Variants in AGAP3 observed in about 807,000 individuals in gnomAD.
The protein encoded by AGAP3 is arf-GAP with GTPase, ANK repeat and PH domain-containing protein 3.
AGAP3 carries 24 observed loss-of-function variants against 96.9 expected under a neutral mutation model. The ratio of observed to expected loss-of-function variants is 0.25; its 90% CI spans 0.18 to 0.35. The LOEUF is 0.35. Ranked by LOEUF, AGAP3 falls within the 10% of genes least tolerant of loss-of-function variation. The pLI, the probability that AGAP3 is intolerant of heterozygous loss-of-function variation, is 1.00. For missense variants in AGAP3, 876 were observed against 1,254.2 expected, an observed-to-expected ratio of 0.70 and a Z score of 4.55; for synonymous variants, 563 against 536.1, an observed-to-expected ratio of 1.05 and a Z score of -0.69.
chr7:151,129,853 T>C (rs1040824879), intron 10 of AGAP3, among the ~76,000 whole-genome samples: 7 of 152,172 alleles, frequency 4.6e-5, no homozygotes, highest in Non-Finnish European at 1.0e-4. Context: ...TTTGTTACTG[T>C]GTACACAGCC....
chr7:151,101,565 C>T (rs368408454), intron 1 of AGAP3, among the ~76,000 whole-genome samples: 5 of 152,266 alleles, frequency 3.3e-5, no homozygotes, highest in South Asian at 2.1e-4. Flanking sequence ...GTGGGAAACC[C>T]GGTGTCCTGC....
At chr7:151,097,640 G>A (rs908843596) in intron 1 of AGAP3, among the ~76,000 whole-genome samples, 5 of 152,070 alleles carry the variant, frequency 3.3e-5, no homozygotes, top group African/African-American at 4.8e-5. Flanking sequence ...GCTTTTTACG[G>A]GTGGCAGAAA....
chr7:151,143,949 A>C lies in AGAP3; in HGVS notation c.*6A>C. The C allele has an allele frequency of 6.2e-7, 1 of 1,613,406 alleles. No homozygotes were observed. Among genetic ancestry groups the C allele is most frequent in the East Asian group, 2.2e-5 (1 of 44,880 alleles). ...GTAGTCCTAGCCTCCTATAAGGCCC[A>C]GGAAGAGGGCAGAGGGGCCAGAAGG... On this transcript the variant is annotated 3_prime_UTR_variant, in exon 18 of 18. Coordinates refer to ENST00000397238, the MANE Select transcript of AGAP3 (RefSeq NM_031946.7). This position sits in a 1 kb window ranked among gnomAD's most constrained non-coding sequence, Gnocchi z 5.9.
Position 151,118,019 on chromosome 7 carries a change from A to C in AGAP3, c.707-191A>C. On this transcript the variant is annotated intron_variant, in intron 5 of 17. Transcript: ENST00000397238. This position sits in a 1 kb window ranked among gnomAD's most constrained non-coding sequence, Gnocchi z 6.1. ...GATGAATAAACGTGCTCAGAGCTTAAGTGCTTGCTGGTTTGCACTCAGTGA... is the reference window on the plus strand; with the variant it reads ...GATGAATAAACGTGCTCAGAGCTTACGTGCTTGCTGGTTTGCACTCAGTGA... 1.1e-6 allele frequency: 1 copy of C among 896,450 alleles called. No individual in the cohort carries two copies. The highest frequency in any genetic ancestry group is 1.8e-5 in the South Asian group (1 of 54,900). 55.5% of individuals were successfully genotyped at this position (896,450 alleles called of 1,614,324 possible).
chr7:151,115,075 C>T (rs1799486992), intron 1 of AGAP3: 2 of 1,022,168 alleles, frequency 2.0e-6, no homozygotes, highest in Non-Finnish European at 2.3e-6. Context: ...GCGCCCAGCC[C>T]CGCGTCCAGC....
rs1327025649 is a variant in AGAP3 at position 151,093,872 on chromosome 7, A to G, written c.331+6800A>G. ...TCTGAGAGTCACATTCTGGTTGTCT[A>G]TGCAGCTAGGGGTGACCCTGGCGTG... On this transcript the variant is annotated intron_variant, in intron 1 of 17. Transcript: ENST00000397238. 3.9e-5 allele frequency among the ~76,000 whole-genome samples: 6 copies of G among 152,260 alleles called. No homozygotes were observed. In the East Asian group the frequency reaches 7.7e-4, roughly 20 times the overall value.
At chr7:151,130,332 G>A (rs1264049556) in intron 10 of AGAP3, among the ~76,000 whole-genome samples, 3 of 152,202 alleles carry the variant, frequency 2.0e-5, no homozygotes, top group Non-Finnish European at 4.4e-5. Flanking sequence ...TTTCAGTAGA[G>A]GAAACACAGC....
chr7:151,120,455 T>C, intron 8 of AGAP3: 1 of 661,298 alleles, frequency 1.5e-6, no homozygotes, highest in Non-Finnish European at 2.7e-6. Flanking sequence ...TTAGGGTGTC[T>C]GTGAGCTTGA....
intron 8 of AGAP3, 166 bp from the exon 9 acceptor site, chr7:151,123,628 G>A (rs998237634): frequency 1.0e-5 from 15 of 1,462,420 alleles, no homozygotes; most frequent in Middle Eastern, 2.2e-4. Flanking sequence ...GAATAAACCC[G>A]TTGGAATACT....
intron 11 of AGAP3, among the ~76,000 whole-genome samples, chr7:151,137,320 G>A (rs1214633219): frequency 6.6e-6 from 1 of 152,254 alleles, no homozygotes. Context: ...TCCGCTTCAA[G>A]GTTGAAGCAC....
chr7:151,120,628 C>G, intron 8 of AGAP3: 1 of 1,292,144 alleles, frequency 7.7e-7, no homozygotes, highest in Non-Finnish European at 1.0e-6. Context: ...GCTCTTTTTC[C>G]GTTACCCCAC....
rs1462174005 is a variant in AGAP3, at chr7:151,086,523, G to T, written c.-219G>T. On this transcript the variant is annotated 5_prime_UTR_variant, in exon 1 of 18. Coordinates refer to ENST00000397238, the MANE Select transcript of AGAP3 (RefSeq NM_031946.7). ...CGAGGCAGCGGGATCACGGCGCTGG[G>T]AAGCGCTCGGCAGCGGCGGCCACAG... is the stretch of plus-strand genomic sequence containing the variant. Among the ~76,000 whole-genome samples the T allele has an allele frequency of 1.1e-4, 16 of 147,936 alleles. No homozygotes were observed. In the East Asian group the frequency reaches 3.1e-3, roughly 29 times the overall value.
At position 151,141,886 on chromosome 7, in the gene AGAP3, C is replaced by T. The variant is rs757116516; in HGVS notation, c.1805-12C>T. ...GCCAGGAGCCCTGATGGCATAAACA[C>T]CCCCCCAACAGAGGCAGAGGAGTCG... is the stretch of plus-strand genomic sequence containing the variant. On this transcript the variant is annotated splice_polypyrimidine_tract_variant and intron_variant, in intron 13 of 17. Transcript: ENST00000397238. The surrounding 1 kb of genome is among the most constrained non-coding windows in gnomAD (Gnocchi z 4.2). 5.0e-6 allele frequency: 8 copies of T among 1,613,566 alleles called. No individual in the cohort carries two copies. The highest frequency in any genetic ancestry group is 1.7e-5 in the Admixed American group (1 of 59,972).
rs1799636962 is a variant in AGAP3, at chr7:151,117,265, A to G, written c.478+83A>G. On this transcript the variant is annotated intron_variant, in intron 3 of 17. Transcript: ENST00000397238. Reference sequence around the variant, plus strand: ...CACAGGGTCTGGGTGGGGGGTCTCCAGCCCCCTTCCAGTCCTCTTCCCTCC... The same window carrying G: ...CACAGGGTCTGGGTGGGGGGTCTCCGGCCCCCTTCCAGTCCTCTTCCCTCC... The G allele has an allele frequency of 4.4e-6, 7 of 1,586,542 alleles. No individual in the cohort carries two copies. The Admixed American group carries it at 6.7e-5, about 15-fold the overall frequency.
intron 9 of AGAP3, among the ~76,000 whole-genome samples, chr7:151,127,198 C>A (rs926823714): frequency 6.6e-6 from 1 of 152,170 alleles, no homozygotes; most frequent in Non-Finnish European, 1.5e-5. Context: ...CCAGTATTTA[C>A]CCCCCACCCT....
At chr7:151,110,170 T>C (rs965868718) in intron 1 of AGAP3, among the ~76,000 whole-genome samples, 5 of 152,218 alleles carry the variant, frequency 3.3e-5, no homozygotes, top group Non-Finnish European at 5.9e-5. Context: ...CCCATCTCTC[T>C]TAGGCCTTCC....
chr7:151,089,930 G>C (rs989147712), intron 1 of AGAP3: 1 of 152,220 alleles, frequency 6.6e-6, no homozygotes, highest in Non-Finnish European at 1.5e-5. Flanking sequence ...GCCAGGGAGA[G>C]TATAGGCCTT....
At chr7:151,115,702 G>A (rs1483416943) in intron 1 of AGAP3, 3 of 1,029,934 alleles carry the variant, frequency 2.9e-6, no homozygotes, top group African/African-American at 1.7e-5. Context: ...AAAGCCGGAC[G>A]CGCCCAGGGC....
intron 1 of AGAP3, among the ~76,000 whole-genome samples, chr7:151,111,564 G>A (rs60578586): frequency 0.016 from 2,380 of 151,346 alleles, 65 homozygotes; most frequent in African/African-American, 0.055. Context: ...CTCTCTCCCC[G>A]TCATGACCCC....
Sources: gnomAD v4.1 joint callset for allele counts (sites outside exome capture counted in the v4.1 genomes callset) on GRCh38, gnomAD v4.1.1 for gene constraint, Gnocchi (gnomAD v3.1) non-coding constraint, MANE v1.5 for transcripts, NCBI Gene and HGNC (gene_info 2026-07-23, HGNC 2026-07-21) for gene names.